The following CNTNAP5 variants were observed in gnomAD, a reference collection of about 807,000 sequenced individuals.
CNTNAP5 encodes contactin associated protein family member 5, also known as contactin-associated protein-like 5.
A neutral mutation model predicts 150.2 loss-of-function variants in CNTNAP5; 72 were observed. The observed-to-expected ratio is 0.48, with a 90% CI of 0.40 to 0.58. CNTNAP5 has a LOEUF of 0.58. CNTNAP5 is among the 20% of genes least tolerant of loss of function. CNTNAP5 has a pLI of 0.00. For missense variants in CNTNAP5, 1,636 were observed against 1,626.2 expected (o/e 1.01, Z -0.10); for synonymous variants, 672 against 619.8 (o/e 1.08, Z -1.25).
chr2:124,893,660 C>G (rs1239260950), intron 21 of CNTNAP5, among the ~76,000 whole-genome samples: 1 of 152,006 alleles, frequency 6.6e-6, no homozygotes, highest in African/African-American at 2.4e-5. Context: ...AGGTTAGAAT[C>G]AGAATGCAGG....
intron 1 of CNTNAP5, among the ~76,000 whole-genome samples, chr2:124,190,770 G>A (rs1685440348): frequency 6.6e-6 from 1 of 152,084 alleles, no homozygotes; most frequent in Non-Finnish European, 1.5e-5. Flanking sequence ...CAATATACAA[G>A]TATTACACAC....
intron 8 of CNTNAP5, among the ~76,000 whole-genome samples, chr2:124,507,504 T>A (rs1009750624): frequency 3.9e-5 from 6 of 151,938 alleles, no homozygotes; most frequent in Non-Finnish European, 8.8e-5. Flanking sequence ...TGGTAGTAAA[T>A]CAGGTTATGA....
chr2:124,229,766 C>T (rs997746852), intron 2 of CNTNAP5, among the ~76,000 whole-genome samples: 4 of 151,788 alleles, frequency 2.6e-5, no homozygotes, highest in Non-Finnish European at 5.9e-5. Flanking sequence ...CATGAAGCCA[C>T]GGAGTTGTGG....
At chr2:124,601,163 G>A (rs1262649574) in intron 11 of CNTNAP5, among the ~76,000 whole-genome samples, 1 of 152,118 alleles carries the variant, frequency 6.6e-6, no homozygotes, top group Non-Finnish European at 1.5e-5. Flanking sequence ...GAGAAAACAT[G>A]TATGGTTGAA....
chr2:124,444,349 C>T (rs1209504783), intron 5 of CNTNAP5, among the ~76,000 whole-genome samples: 1 of 152,144 alleles, frequency 6.6e-6, no homozygotes, highest in Admixed American at 6.5e-5. Context: ...AATCCCAGCA[C>T]TTTGGGAAGT....
chr2:124,261,812 T>G (rs1170761387), intron 3 of CNTNAP5, among the ~76,000 whole-genome samples: 1 of 152,216 alleles, frequency 6.6e-6, no homozygotes. Context: ...AATGCTGTAT[T>G]TGTAGTGAAA....
At chr2:124,275,427 G>T (rs1687861758) in intron 3 of CNTNAP5, among the ~76,000 whole-genome samples, 1 of 151,982 alleles carries the variant, frequency 6.6e-6, no homozygotes, top group Non-Finnish European at 1.5e-5. Flanking sequence ...GCCTGCTTAT[G>T]AACCACAAAT....
chr2:124,410,000 G>A (rs1192038484), intron 3 of CNTNAP5, among the ~76,000 whole-genome samples: 2 of 150,636 alleles, frequency 1.3e-5, no homozygotes, highest in African/African-American at 4.9e-5. Context: ...CACGTGCAGA[G>A]ACACACATAG....
At chr2:124,569,373 A>AT (rs1272261801) in intron 11 of CNTNAP5, among the ~76,000 whole-genome samples, 6 of 152,206 alleles carry the variant, frequency 3.9e-5, no homozygotes, top group South Asian at 2.1e-4. Context: ...AAAAAAAGAG[A>AT]TTTTTTTCAG....
At chr2:124,168,852 T>C (rs1479429221) in intron 1 of CNTNAP5, among the ~76,000 whole-genome samples, 1 of 152,148 alleles carries the variant, frequency 6.6e-6, no homozygotes, top group East Asian at 1.9e-4. Flanking sequence ...ATACATACTG[T>C]CAATTGAGGA....
At chr2:124,294,112 C>T (rs1013400394) in intron 3 of CNTNAP5, among the ~76,000 whole-genome samples, 3 of 130,810 alleles carry the variant, frequency 2.3e-5, no homozygotes, top group Non-Finnish European at 4.8e-5. Flanking sequence ...TTATTTGTCC[C>T]GACATGGAAG....
chr2:124,753,519 C>T (rs1319094341), intron 14 of CNTNAP5, among the ~76,000 whole-genome samples: 1 of 152,198 alleles, frequency 6.6e-6, no homozygotes, highest in African/African-American at 2.4e-5. Context: ...TTTTAACCTA[C>T]ATGCCTTTTG....
chr2:124,241,364 T>G (rs1686881540), intron 2 of CNTNAP5, among the ~76,000 whole-genome samples: 1 of 152,086 alleles, frequency 6.6e-6, no homozygotes, highest in African/African-American at 2.4e-5. Flanking sequence ...GACTCTGTCA[T>G]GCCTCTGAGA....
At chr2:124,680,088 G>GA (rs1347456326) in intron 13 of CNTNAP5, among the ~76,000 whole-genome samples, 2 of 151,576 alleles carry the variant, frequency 1.3e-5, no homozygotes, top group East Asian at 1.9e-4. Flanking sequence ...TGAGTATCCA[G>GA]AAAAAAGTGT....
intron 1 of CNTNAP5, among the ~76,000 whole-genome samples, chr2:124,085,409 A>G (rs1244900660): frequency 6.6e-6 from 1 of 150,764 alleles, no homozygotes; most frequent in Non-Finnish European, 1.5e-5. Context: ...CATTCCTGAT[A>G]TTGGTTTTTC....
chr2:124,853,843 G>T (rs1452927138), intron 19 of CNTNAP5, among the ~76,000 whole-genome samples: 4 of 151,972 alleles, frequency 2.6e-5, no homozygotes, highest in Admixed American at 2.0e-4. Context: ...GGCATCTTTT[G>T]TTCCCCTCTT....
chr2:124,178,307 G>A (rs1685118857), intron 1 of CNTNAP5, among the ~76,000 whole-genome samples: 1 of 152,134 alleles, frequency 6.6e-6, no homozygotes, highest in Non-Finnish European at 1.5e-5. Context: ...CCAGGCATCC[G>A]CTAGGCTATA....
In CNTNAP5 at chr2:124,790,124, GGCCCTTTTGC is replaced by G. The variant is rs1223148288; in HGVS notation, c.2976_2985del (p.Pro993LysfsTer24). ...GATTGCACCAATTCACCTTATGAAG[GGCCCTTTTGC>G]AAAAAAGGTACCTTAGGCGCTCCTG... On this transcript the variant is annotated frameshift_variant, in exon 18 of 24. Transcript: ENST00000682447. LOFTEE classifies it high-confidence loss of function. 6.2e-7 allele frequency: 1 copy of G among 1,613,272 alleles called. No individual in the cohort carries two copies. Among genetic ancestry groups the G allele is most frequent in the Admixed American group, 1.7e-5 (1 of 59,906 alleles).
chr2:124,356,767 A>G (rs62171022), intron 3 of CNTNAP5, among the ~76,000 whole-genome samples: 1 of 151,322 alleles, frequency 6.6e-6, no homozygotes, highest in East Asian at 2.0e-4. Flanking sequence ...CAATAAACAT[A>G]CGTGTGCATG....
Sources: allele counts gnomAD v4.1 joint callset (sites outside exome capture counted in the v4.1 genomes callset), GRCh38; gene constraint gnomAD v4.1.1; transcripts MANE v1.5; gene names NCBI Gene and HGNC (gene_info 2026-07-23, HGNC 2026-07-21).